Variants in CENPP observed in about 807,000 individuals in gnomAD.
The protein encoded by CENPP is centromere protein P.
In CENPP, 24 loss-of-function variants were observed where a neutral mutation model predicts 35.6. The ratio of observed to expected loss-of-function variants is 0.67; its 90% CI spans 0.49 to 0.95. The LOEUF is 0.95. Ranked by LOEUF, CENPP falls within the 40% of genes least tolerant of loss-of-function variation. CENPP has a pLI of 0.00. For missense variants in CENPP, 332 were observed against 345.3 expected (o/e 0.96, Z 0.31); for synonymous variants, 120 against 125.5 (o/e 0.96, Z 0.29).
intron 5 of CENPP, among the ~76,000 whole-genome samples, chr9:92,424,799 C>T (rs1347237143): frequency 2.0e-5 from 3 of 152,142 alleles, no homozygotes; most frequent in Admixed American, 2.0e-4. Flanking sequence ...CTCAGCCTCC[C>T]AAGTAGCTGG....
At chr9:92,474,957 T>A in intron 5 of CENPP, 1 of 1,503,698 alleles carries the variant, frequency 6.7e-7, no homozygotes, top group Non-Finnish European at 8.9e-7. Context: ...TAAATTTAAA[T>A]GGATATAATT....
chr9:92,563,372 TA>T (rs1264533454), intron 5 of CENPP, among the ~76,000 whole-genome samples: 1 of 152,220 alleles, frequency 6.6e-6, no homozygotes, highest in Admixed American at 6.5e-5. Flanking sequence ...AAACAGTACA[TA>T]AATTCTTTGA....
At chr9:92,328,310 T>A (rs553133824) in intron 1 of CENPP, among the ~76,000 whole-genome samples, 1 of 152,242 alleles carries the variant, frequency 6.6e-6, no homozygotes, top group Non-Finnish European at 1.5e-5. Flanking sequence ...TACCAAGCTA[T>A]TTTTTTAAGT....
chr9:92,344,343 GA>G (rs1564269391), intron 3 of CENPP, among the ~76,000 whole-genome samples: 1 of 152,100 alleles, frequency 6.6e-6, no homozygotes, highest in Non-Finnish European at 1.5e-5. Flanking sequence ...ACACATACTT[GA>G]CCAAGAGACC....
At chr9:92,334,746 G>T (rs1226678418) in intron 2 of CENPP, among the ~76,000 whole-genome samples, 1 of 152,006 alleles carries the variant, frequency 6.6e-6, no homozygotes, top group East Asian at 1.9e-4. Flanking sequence ...TAGGCATGGT[G>T]GAGTGTTCCT....
chr9:92,404,896 A>G (rs1012220211), intron 5 of CENPP, among the ~76,000 whole-genome samples: 16 of 152,188 alleles, frequency 1.1e-4, no homozygotes, highest in African/African-American at 3.6e-4. Context: ...AGGAGATCAA[A>G]CAATCTGCTT....
intron 5 of CENPP, chr9:92,536,535 A>G (rs7858864): frequency 3.9e-5 from 6 of 152,960 alleles, no homozygotes; most frequent in African/African-American, 1.4e-4. Flanking sequence ...AGTGGAAATT[A>G]TGTAACTTCT....
At chr9:92,565,051 A>G (rs949927348) in intron 5 of CENPP, among the ~76,000 whole-genome samples, 1 of 152,128 alleles carries the variant, frequency 6.6e-6, no homozygotes, top group Non-Finnish European at 1.5e-5. Context: ...AAATCACAAT[A>G]TATTAGAGGA....
At chr9:92,470,930 GT>G (rs899582190) in intron 5 of CENPP, 156 of 570,698 alleles carry the variant, frequency 2.7e-4, no homozygotes, top group Non-Finnish European at 4.3e-4. Flanking sequence ...AAAAAACATT[GT>G]TTTGGGGGAA....
chr9:92,519,001 T>C (rs1847900826), intron 5 of CENPP, among the ~76,000 whole-genome samples: 1 of 152,218 alleles, frequency 6.6e-6, no homozygotes. Context: ...ATTAGAAAGC[T>C]GAGGAGAATA....
rs1026679031 is a variant in CENPP, at chr9:92,593,156, G to A, written c.565-18158G>A. ...CCCAGGTGGCAGGAGAGCTGCCCCC[G>A]GGGAGCCACACTGTGTGTAAGATGC... On this transcript the variant is annotated intron_variant, in intron 5 of 7. Transcript: ENST00000375587. This position sits in a 1 kb window ranked among gnomAD's most constrained non-coding sequence, Gnocchi z 4.1. Among the ~76,000 whole-genome samples, 2 of 152,256 alleles carry A rather than the reference G, an allele frequency of 1.3e-5. No individual in the cohort carries two copies. The highest frequency in any genetic ancestry group is 2.1e-4 in the South Asian group (1 of 4,814).
chr9:92,364,753 A>G (rs1841844793), intron 4 of CENPP, among the ~76,000 whole-genome samples: 1 of 152,242 alleles, frequency 6.6e-6, no homozygotes, highest in Non-Finnish European at 1.5e-5. Flanking sequence ...CAGTTTTATG[A>G]AGCTTACAAC....
At chr9:92,386,066 G>A in intron 5 of CENPP, 2 of 682,288 alleles carry the variant, frequency 2.9e-6, no homozygotes, top group Non-Finnish European at 5.1e-6. Context: ...CTTTTTGATA[G>A]GCAGACATTT....
intron 5 of CENPP, among the ~76,000 whole-genome samples, chr9:92,484,990 T>G (rs1846021182): frequency 6.6e-6 from 1 of 152,236 alleles, no homozygotes; most frequent in Admixed American, 6.5e-5. Flanking sequence ...GGTAGTATAT[T>G]TGGCTTATTC....
intron 5 of CENPP, among the ~76,000 whole-genome samples, chr9:92,585,244 A>G (rs1206817668): frequency 6.6e-6 from 1 of 152,228 alleles, no homozygotes; most frequent in Non-Finnish European, 1.5e-5. Context: ...ACCACATTTT[A>G]GAAATATAGT....
At chr9:92,531,796 C>G (rs1848770311) in intron 5 of CENPP, among the ~76,000 whole-genome samples, 1 of 152,080 alleles carries the variant, frequency 6.6e-6, no homozygotes, top group Non-Finnish European at 1.5e-5. Context: ...AGATCACCTT[C>G]TAATAATTCC....
chr9:92,516,430 C>T (rs1321306466), intron 5 of CENPP, among the ~76,000 whole-genome samples: 1 of 152,048 alleles, frequency 6.6e-6, no homozygotes, highest in Non-Finnish European at 1.5e-5. Context: ...TTTTATTTAA[C>T]ACTATATATA....
At chr9:92,523,271 C>G (rs933259420) in intron 5 of CENPP, among the ~76,000 whole-genome samples, 1 of 152,062 alleles carries the variant, frequency 6.6e-6, no homozygotes. Flanking sequence ...TTACCTTTAT[C>G]TTTAGACCAG....
intron 5 of CENPP, among the ~76,000 whole-genome samples, chr9:92,585,444 T>A (rs1366589614): frequency 6.6e-6 from 1 of 152,206 alleles, no homozygotes; most frequent in Non-Finnish European, 1.5e-5. Context: ...AATTTGTTTG[T>A]CTGTACCAAA....
Sources: gnomAD v4.1 joint callset for allele counts (sites outside exome capture counted in the v4.1 genomes callset) on GRCh38, gnomAD v4.1.1 for gene constraint, Gnocchi (gnomAD v3.1) non-coding constraint, MANE v1.5 for transcripts, NCBI Gene and HGNC (gene_info 2026-07-23, HGNC 2026-07-21) for gene names.